Variants in IPO11 observed in about 807,000 individuals in gnomAD.
IPO11 encodes the protein importin-11.
Under a neutral mutation model 143.2 loss-of-function variants are expected in IPO11, and 66 were observed. The observed-to-expected ratio is 0.46, with a 90% CI of 0.38 to 0.57. The LOEUF (loss-of-function observed/expected upper bound fraction) is 0.57, where lower values mean the gene tolerates loss of function less well. Among genes scored for constraint, IPO11 ranks in the 20% least tolerant of loss-of-function variants. The pLI is 0.00. For missense variants in IPO11, 1,026 were observed against 1,141.0 expected (o/e 0.90, Z 1.45); for synonymous variants, 385 against 377.8 (o/e 1.02, Z -0.22).
chr5:62,469,391 G>C (rs977612017), intron 6 of IPO11, among the ~76,000 whole-genome samples: 2 of 152,140 alleles, frequency 1.3e-5, no homozygotes, highest in Non-Finnish European at 2.9e-5. Context: ...CTTACAAACC[G>C]AAGGTCTAGT....
chr5:62,505,899 T>C lies in IPO11; in HGVS notation c.1666-342T>C, dbSNP rs78094787. 9.1e-3 allele frequency among the ~76,000 whole-genome samples: 1,388 copies of C among 152,160 alleles called. 20 individuals are homozygous for C. The highest frequency in any genetic ancestry group is 0.031 in the African/African-American group (1,308 of 41,542). ...TTTCGTGATTGGCACCAGGCATATA[T>C]GGAAGAACAGTGACAAGGCACTGTT... is the stretch of plus-strand genomic sequence containing the variant. On this transcript the variant is annotated intron_variant, in intron 18 of 29. Transcript: ENST00000325324.
At chr5:62,440,996 C>T (rs1474235303) in intron 2 of IPO11, among the ~76,000 whole-genome samples, 1 of 151,906 alleles carries the variant, frequency 6.6e-6, no homozygotes, top group Non-Finnish European at 1.5e-5. Flanking sequence ...TTTTCTATAG[C>T]AAAGGACATA....
At chr5:62,416,314 T>C (rs992132415) in intron 1 of IPO11, among the ~76,000 whole-genome samples, 1 of 151,222 alleles carries the variant, frequency 6.6e-6, no homozygotes, top group Non-Finnish European at 1.5e-5. Context: ...TCCTGAGTAG[T>C]TGGGATTACA....
At chr5:62,421,448 A>G (rs551005640) in intron 1 of IPO11, among the ~76,000 whole-genome samples, 270 of 152,336 alleles carry the variant, frequency 1.8e-3, no homozygotes, top group Non-Finnish European at 3.5e-3. Flanking sequence ...AAAAATTCCC[A>G]GTTAATTTCA....
rs577932843 is a variant in IPO11 at position 62,610,365 on chromosome 5, T to C, written c.2763+8517T>C. On this transcript the variant is annotated intron_variant, in intron 29 of 29. Coordinates refer to ENST00000325324, the MANE Select transcript of IPO11 (RefSeq NM_016338.5). Reference sequence around the variant, plus strand: ...ATAATAGGAAAAAGCCAGCTATATATTGAAAAGCAGTTTGAAAGATAGTGA... The same window carrying C: ...ATAATAGGAAAAAGCCAGCTATATACTGAAAAGCAGTTTGAAAGATAGTGA... Among the ~76,000 whole-genome samples, 11 of 152,306 alleles carry C rather than the reference T, an allele frequency of 7.2e-5. No individual in the cohort carries two copies. In the South Asian group the frequency reaches 2.1e-3, roughly 29 times the overall value.
chr5:62,557,858 A>G (rs533782404), intron 26 of IPO11, among the ~76,000 whole-genome samples: 1 of 152,272 alleles, frequency 6.6e-6, no homozygotes, highest in South Asian at 2.1e-4. Context: ...TACCCCAACT[A>G]TGGCTGAAAA....
chr5:62,484,923 T>C (rs549509713), intron 11 of IPO11, among the ~76,000 whole-genome samples: 2 of 151,990 alleles, frequency 1.3e-5, no homozygotes, highest in Non-Finnish European at 2.9e-5. Context: ...TTGAAACATC[T>C]TTTTTCAATT....
intron 29 of IPO11, among the ~76,000 whole-genome samples, chr5:62,607,009 G>A (rs1313955006): frequency 6.6e-6 from 1 of 152,156 alleles, no homozygotes; most frequent in Non-Finnish European, 1.5e-5. Flanking sequence ...TATTGTTTCT[G>A]TACTGCTCTT....
At chr5:62,604,973 T>C (rs1317233716) in intron 29 of IPO11, among the ~76,000 whole-genome samples, 1 of 152,242 alleles carries the variant, frequency 6.6e-6, no homozygotes, top group East Asian at 1.9e-4. Context: ...AACTGTATTG[T>C]CTATAACGTT....
At chr5:62,519,540 T>G in intron 20 of IPO11, among the ~76,000 whole-genome samples, 1 of 152,228 alleles carries the variant, frequency 6.6e-6, no homozygotes, top group South Asian at 2.1e-4. Flanking sequence ...ATCCTCCCAG[T>G]ATACTTGATT....
At chr5:62,618,230 A>T (rs1746215353) in intron 29 of IPO11, among the ~76,000 whole-genome samples, 1 of 152,186 alleles carries the variant, frequency 6.6e-6, no homozygotes, top group Non-Finnish European at 1.5e-5. Context: ...TTTTTTAAAC[A>T]GTATTTTAAA....
chr5:62,557,104 C>T (rs912917397), intron 26 of IPO11, among the ~76,000 whole-genome samples: 6 of 152,206 alleles, frequency 3.9e-5, no homozygotes, highest in African/African-American at 1.2e-4. Context: ...CTTGGCCTCA[C>T]TTGTGAGTGC....
intron 26 of IPO11, among the ~76,000 whole-genome samples, chr5:62,551,588 T>A (rs1462661278): frequency 6.6e-6 from 1 of 152,190 alleles, no homozygotes; most frequent in East Asian, 1.9e-4. Flanking sequence ...ATAATGTTGA[T>A]TTGTTTATAG....
At chr5:62,432,297 G>A (rs767196739) in intron 1 of IPO11, among the ~76,000 whole-genome samples, 5 of 152,166 alleles carry the variant, frequency 3.3e-5, no homozygotes, top group East Asian at 1.9e-4. Flanking sequence ...AGCTTCTGCC[G>A]CAGGAGTGGT....
chr5:62,614,675 G>C (rs1280155634), intron 29 of IPO11, among the ~76,000 whole-genome samples: 1 of 152,110 alleles, frequency 6.6e-6, no homozygotes, highest in East Asian at 1.9e-4. Context: ...AACATCCAGA[G>C]GTGGTAGCCT....
chr5:62,519,116 T>C (rs1308952694), intron 20 of IPO11, among the ~76,000 whole-genome samples: 1 of 152,162 alleles, frequency 6.6e-6, no homozygotes, highest in Non-Finnish European at 1.5e-5. Context: ...AATAGTGTTG[T>C]TAAATAAAAC....
chr5:62,609,187 A>G (rs1197626193), intron 29 of IPO11, among the ~76,000 whole-genome samples: 1 of 152,236 alleles, frequency 6.6e-6, no homozygotes, highest in Admixed American at 6.5e-5. Context: ...TGCCTAGTTT[A>G]ATAATGAAGG....
At chr5:62,417,752 A>G (rs1011871120) in intron 1 of IPO11, among the ~76,000 whole-genome samples, 6 of 152,212 alleles carry the variant, frequency 3.9e-5, no homozygotes, top group Non-Finnish European at 7.3e-5. Flanking sequence ...CTGGCTTTTT[A>G]GCACAGGTCT....
At position 62,568,896 on chromosome 5, in the gene IPO11, C is replaced by T. The variant is rs570532636; in HGVS notation, c.2582+7639C>T. On this transcript the variant is annotated intron_variant, in intron 27 of 29. Coordinates refer to ENST00000325324, the MANE Select transcript of IPO11 (RefSeq NM_016338.5). ...TTGTACCTGTCTTTCTTCAGAGGGT[C>T]TTCAGGAATTCAAAAGGGACTGACT... is the stretch of plus-strand genomic sequence containing the variant. Among the ~76,000 whole-genome samples, 6 of 152,302 alleles carry T rather than the reference C, an allele frequency of 3.9e-5. No individual in the cohort carries two copies. The South Asian group carries it at 1.2e-3, about 32-fold the overall frequency.
Sources: allele counts gnomAD v4.1 joint callset (sites outside exome capture counted in the v4.1 genomes callset), GRCh38; gene constraint gnomAD v4.1.1; transcripts MANE v1.5; gene names NCBI Gene and HGNC (gene_info 2026-07-23, HGNC 2026-07-21).